The following IQGAP2 variants were observed in gnomAD, a reference collection of about 807,000 sequenced individuals.
IQGAP2 encodes ras GTPase-activating-like protein IQGAP2.
IQGAP2 carries 173 observed loss-of-function variants against 201.3 expected under a neutral mutation model. The observed-to-expected ratio is 0.86, with a 90% CI of 0.76 to 0.98. IQGAP2 has a LOEUF of 0.98. IQGAP2 is among the 50% of genes least tolerant of loss of function. The pLI, the probability that IQGAP2 is intolerant of heterozygous loss-of-function variation, is 0.00. For synonymous variants in IQGAP2, 675 were observed against 673.9 expected (o/e 1.00, Z -0.03); for missense variants, 1,687 against 1,864.8 (o/e 0.90, Z 1.76).
chr5:76,581,841 A>G (rs1396850569), intron 5 of IQGAP2, among the ~76,000 whole-genome samples: 1 of 152,210 alleles, frequency 6.6e-6, no homozygotes, highest in African/African-American at 2.4e-5. Flanking sequence ...CAGTAAATAA[A>G]ACTATTTCAA....
At chr5:76,671,685 C>CA in intron 23 of IQGAP2, 74 bp from the exon 24 acceptor site, 1 of 993,124 alleles carries the variant, frequency 1.0e-6, no homozygotes, top group Non-Finnish European at 1.4e-6. Flanking sequence ...AAGACTGTCT[C>CA]GGGGAAAAAA....
chr5:76,444,912 A>T (rs1753285041), intron 1 of IQGAP2, among the ~76,000 whole-genome samples: 1 of 152,328 alleles, frequency 6.6e-6, no homozygotes, highest in South Asian at 2.1e-4. Context: ...GCAAAATTGT[A>T]TCTTCTCTGG....
intron 13 of IQGAP2, among the ~76,000 whole-genome samples, chr5:76,627,113 A>G (rs1260976107): frequency 6.6e-6 from 1 of 152,072 alleles, no homozygotes; most frequent in East Asian, 1.9e-4. Flanking sequence ...GGCCCTCTGT[A>G]GAGGGCCACT....
Position 76,689,703 on chromosome 5 carries a change from A to G in IQGAP2, c.3906-3652A>G, listed in dbSNP as rs548694578. On this transcript the variant is annotated intron_variant, in intron 30 of 35. Coordinates refer to ENST00000274364, the MANE Select transcript of IQGAP2 (RefSeq NM_006633.5). ...GAAAGATTTCCTTGTTTTTTGGTCC[A>G]AACTAGCAGGAGCACTAAATGGCTA... is the stretch of plus-strand genomic sequence containing the variant. 3.9e-5 allele frequency among the ~76,000 whole-genome samples: 6 copies of G among 152,288 alleles called. No individual in the cohort carries two copies. In the East Asian group the frequency reaches 1.2e-3, roughly 29 times the overall value.
intron 2 of IQGAP2, among the ~76,000 whole-genome samples, chr5:76,469,708 A>G (rs1169636823): frequency 6.6e-6 from 1 of 152,158 alleles, no homozygotes; most frequent in African/African-American, 2.4e-5. Context: ...CTGGCCTCAA[A>G]AAACTAATAT....
intron 2 of IQGAP2, among the ~76,000 whole-genome samples, chr5:76,508,538 G>T (rs571365638): frequency 6.6e-6 from 1 of 151,832 alleles, no homozygotes; most frequent in Admixed American, 6.6e-5. Flanking sequence ...CAAAGATCAA[G>T]TATTAGAATT....
chr5:76,435,649 G>A lies in IQGAP2; in HGVS notation c.47-25921G>A, dbSNP rs1313837829. Among the ~76,000 whole-genome samples the A allele has an allele frequency of 2.6e-5, 4 of 152,068 alleles. No homozygotes were observed. In the East Asian group the frequency reaches 7.7e-4, roughly 29 times the overall value. ...CTCCAGATTTGTTCTTTTTGCTTAG[G>A]ATTGCTTTGACTATTCAGGCTGTTT... On this transcript the variant is annotated intron_variant, in intron 1 of 35. Transcript: ENST00000274364.
At chr5:76,579,167 T>A (rs1745668325) in intron 5 of IQGAP2, among the ~76,000 whole-genome samples, 1 of 152,192 alleles carries the variant, frequency 6.6e-6, no homozygotes, top group Non-Finnish European at 1.5e-5. Context: ...GAACCTATTC[T>A]GTAAGACCCA....
chr5:76,676,235 G>A (rs745977662), intron 27 of IQGAP2, among the ~76,000 whole-genome samples: 12 of 152,124 alleles, frequency 7.9e-5, no homozygotes, highest in Non-Finnish European at 1.6e-4. Context: ...CCAAAGAAGT[G>A]AGCCTCTTCT....
In IQGAP2 at chr5:76,597,598, C is replaced by G; in HGVS notation, c.1067C>G (p.Thr356Ser). 1 of 1,613,910 alleles carries G rather than the reference C, an allele frequency of 6.2e-7. No homozygotes were observed. The highest frequency in any genetic ancestry group is 8.5e-7 in the Non-Finnish European group (1 of 1,179,934). The change falls in exon 10 of 36, where the codon ACC becomes AGC. Residue 356 changes from threonine (T) to serine (S), a missense_variant. By Grantham distance (58) the Thr-to-Ser change is moderately conservative (BLOSUM62 1). Transcript: ENST00000274364. The stretch of plus-strand genomic sequence containing the variant: ...CTTTTCAACCTCCAGAAACAGAACA[C>G]CATGGTAAGTCAGAGGAGACCCCAG... ...NELFNLQKQNTMNYLAHEELL... is the reference protein window; with the variant it reads ...NELFNLQKQNSMNYLAHEELL...
intron 13 of IQGAP2, chr5:76,616,911 G>GA (rs2150353469): frequency 6.6e-6 from 1 of 152,050 alleles, no homozygotes; most frequent in East Asian, 1.9e-4. Context: ...CCTGGTGAGG[G>GA]ACCCTACAAA....
At chr5:76,531,327 C>T (rs966726279) in intron 2 of IQGAP2, among the ~76,000 whole-genome samples, 4 of 152,276 alleles carry the variant, frequency 2.6e-5, no homozygotes, top group African/African-American at 9.6e-5. Context: ...AGTGCAATGA[C>T]ATGATCATAG....
chr5:76,684,036 T>C, intron 30 of IQGAP2, 119 bp downstream of exon 30: 2 of 821,042 alleles, frequency 2.4e-6, no homozygotes, highest in Admixed American at 3.4e-5. Flanking sequence ...AAATCTATTA[T>C]GTATATCCAT....
At chr5:76,684,004 A>G (rs936245177) in intron 30 of IQGAP2, 87 bp downstream of exon 30, 153 of 1,185,258 alleles carry the variant, frequency 1.3e-4, no homozygotes, top group Admixed American at 7.3e-5. Context: ...CAACTAATTT[A>G]TTTAAAAGTA....
intron 13 of IQGAP2, 75 bp downstream of exon 13, chr5:76,611,258 C>A: frequency 8.8e-7 from 1 of 1,135,248 alleles, no homozygotes; most frequent in South Asian, 1.6e-5. Flanking sequence ...GAGGATTTGA[C>A]CCATTTACGT....
At chr5:76,612,280 C>T (rs1423366602) in intron 13 of IQGAP2, among the ~76,000 whole-genome samples, 2 of 152,060 alleles carry the variant, frequency 1.3e-5, no homozygotes, top group Middle Eastern at 3.4e-3. Flanking sequence ...GCCAGGAGTT[C>T]GAGACCAGCC....
At chr5:76,504,612 C>A (rs1324855186) in intron 2 of IQGAP2, among the ~76,000 whole-genome samples, 1 of 152,148 alleles carries the variant, frequency 6.6e-6, no homozygotes, top group South Asian at 2.1e-4. Context: ...ACATTCTCCG[C>A]CACTGTGTAC....
intron 13 of IQGAP2, among the ~76,000 whole-genome samples, chr5:76,619,807 C>T (rs866408580): frequency 3.2e-4 from 49 of 152,184 alleles, no homozygotes; most frequent in South Asian, 4.1e-4. Flanking sequence ...CGTGAGCCAC[C>T]GCGCCCGGCC....
At chr5:76,535,777 G>A (rs958046634) in intron 2 of IQGAP2, among the ~76,000 whole-genome samples, 2 of 152,178 alleles carry the variant, frequency 1.3e-5, no homozygotes, top group Non-Finnish European at 2.9e-5. Flanking sequence ...TACCCTACCG[G>A]CAGTGCGCCC....
Sources: allele counts gnomAD v4.1 joint callset (sites outside exome capture counted in the v4.1 genomes callset), GRCh38; gene constraint gnomAD v4.1.1; transcripts MANE v1.5; gene names NCBI Gene and HGNC (gene_info 2026-07-23, HGNC 2026-07-21).